Variants in UNC5C observed in about 807,000 individuals in gnomAD.
UNC5C encodes the protein unc-5 netrin receptor C, also known as netrin receptor UNC5C.
UNC5C carries 47 observed loss-of-function variants against 99.8 expected under a neutral mutation model. That is an observed-to-expected ratio of 0.47 (90% confidence interval 0.37 to 0.60). The LOEUF is 0.60. Among genes scored for constraint, UNC5C ranks in the 20% least tolerant of loss-of-function variants. The pLI is 0.00. For synonymous variants in UNC5C, 487 were observed against 452.2 expected (o/e 1.08, Z -0.98); for missense variants, 1,062 against 1,165.9 (o/e 0.91, Z 1.30).
chr4:95,454,897 T>A (rs1368257923), intron 1 of UNC5C, among the ~76,000 whole-genome samples: 1 of 152,098 alleles, frequency 6.6e-6, no homozygotes, highest in African/African-American at 2.4e-5. Flanking sequence ...TAAATTTAAA[T>A]TTAAAAATTA....
intron 3 of UNC5C, among the ~76,000 whole-genome samples, chr4:95,298,163 G>T (rs1741731174): frequency 6.6e-6 from 1 of 152,058 alleles, no homozygotes; most frequent in Non-Finnish European, 1.5e-5. Flanking sequence ...ATGCAAAAAA[G>T]TAGCTGGTCA....
intron 1 of UNC5C, among the ~76,000 whole-genome samples, chr4:95,497,863 C>A (rs1721671514): frequency 6.6e-6 from 1 of 151,860 alleles, no homozygotes; most frequent in African/African-American, 2.4e-5. Context: ...CCAAAATTGT[C>A]ATTTATTCCT....
At chr4:95,190,531 G>C (rs185211521) in intron 12 of UNC5C, among the ~76,000 whole-genome samples, 17 of 151,926 alleles carry the variant, frequency 1.1e-4, no homozygotes, top group African/African-American at 3.9e-4. Context: ...TTGCCTTGTT[G>C]CTCCTTGAAC....
At chr4:95,337,151 C>T (rs1037442684) in intron 1 of UNC5C, among the ~76,000 whole-genome samples, 5 of 151,778 alleles carry the variant, frequency 3.3e-5, no homozygotes, top group Non-Finnish European at 5.9e-5. Flanking sequence ...TAAAGCTCCG[C>T]AAAACATGAC....
At chr4:95,289,032 A>G (rs994139702) in intron 3 of UNC5C, among the ~76,000 whole-genome samples, 3 of 152,272 alleles carry the variant, frequency 2.0e-5, no homozygotes, top group African/African-American at 7.2e-5. Flanking sequence ...CTAGTTCTGT[A>G]CTTACTGAGG....
intron 1 of UNC5C, among the ~76,000 whole-genome samples, chr4:95,532,671 AG>A (rs1468390317): frequency 6.6e-6 from 1 of 152,188 alleles, no homozygotes; most frequent in Non-Finnish European, 1.5e-5. Flanking sequence ...ACTTGTTCAT[AG>A]CAAATGAAAG....
chr4:95,265,577 AC>A (rs1054436242), intron 4 of UNC5C, among the ~76,000 whole-genome samples: 1 of 152,192 alleles, frequency 6.6e-6, no homozygotes, highest in Admixed American at 6.5e-5. Context: ...TGGATGTGAC[AC>A]TTTTTAAATG....
chr4:95,357,537 C>T (rs11727932), intron 1 of UNC5C, among the ~76,000 whole-genome samples: 6 of 151,896 alleles, frequency 4.0e-5, no homozygotes, highest in African/African-American at 1.5e-4. Flanking sequence ...AATCCCAGCA[C>T]TTTGGGAGGC....
chr4:95,170,133 T>C, intron 15 of UNC5C, 21 bp downstream of exon 15: 1 of 1,607,724 alleles, frequency 6.2e-7, no homozygotes, highest in East Asian at 2.2e-5. Flanking sequence ...GAAGCTAGTC[T>C]TGGGGCCAGA....
At chr4:95,192,813 T>C (rs183689899) in intron 12 of UNC5C, among the ~76,000 whole-genome samples, 191 of 152,284 alleles carry the variant, frequency 1.3e-3, no homozygotes, top group Non-Finnish European at 2.2e-3. Context: ...TGCACCACCT[T>C]CTTCCTCAAG....
chr4:95,210,451 T>G (rs909604017), intron 10 of UNC5C, among the ~76,000 whole-genome samples: 3 of 152,200 alleles, frequency 2.0e-5, no homozygotes, highest in Non-Finnish European at 4.4e-5. Flanking sequence ...TGTAACACAT[T>G]TCCTTTATAC....
At chr4:95,178,704 A>C (rs908487285) in intron 14 of UNC5C, among the ~76,000 whole-genome samples, 13 of 152,122 alleles carry the variant, frequency 8.5e-5, no homozygotes, top group Middle Eastern at 3.2e-3. Context: ...GGCCAGTTGA[A>C]GATAGATAGG....
At chr4:95,181,521 G>T (rs1056757868) in intron 14 of UNC5C, among the ~76,000 whole-genome samples, 22 of 152,194 alleles carry the variant, frequency 1.4e-4, no homozygotes, top group African/African-American at 5.3e-4. Context: ...ACTGGAGCTG[G>T]GTGGTTATTG....
At chr4:95,467,661 G>A (rs945400965) in intron 1 of UNC5C, among the ~76,000 whole-genome samples, 2 of 151,984 alleles carry the variant, frequency 1.3e-5, no homozygotes, top group African/African-American at 2.4e-5. Flanking sequence ...TCTTAGGAAG[G>A]GTCAATACAG....
intron 1 of UNC5C, among the ~76,000 whole-genome samples, chr4:95,337,149 C>T (rs533444425): frequency 7.2e-5 from 11 of 151,878 alleles, no homozygotes; most frequent in African/African-American, 2.7e-4. Flanking sequence ...AATAAAGCTC[C>T]GCAAAACATG....
chr4:95,351,264 C>A (rs532449284), intron 1 of UNC5C, among the ~76,000 whole-genome samples: 1 of 151,802 alleles, frequency 6.6e-6, no homozygotes, highest in East Asian at 1.9e-4. Context: ...CAGTGCCTAT[C>A]TTACTCACTG....
chr4:95,426,302 AAATC>A (rs1471874864), intron 1 of UNC5C, among the ~76,000 whole-genome samples: 3 of 152,208 alleles, frequency 2.0e-5, no homozygotes, highest in Non-Finnish European at 4.4e-5. Context: ...TAAGACAGTA[AAATC>A]AATCAACCAA....
chr4:95,392,685 C>T (rs1241575055), intron 1 of UNC5C, among the ~76,000 whole-genome samples: 1 of 151,998 alleles, frequency 6.6e-6, no homozygotes, highest in African/African-American at 2.4e-5. Context: ...AAGTGATCCT[C>T]CCTCCTCGGC....
intron 12 of UNC5C, among the ~76,000 whole-genome samples, chr4:95,191,082 C>A (rs1470500647): frequency 6.6e-6 from 1 of 152,162 alleles, no homozygotes; most frequent in Non-Finnish European, 1.5e-5. Flanking sequence ...TGCTCCCAGG[C>A]TCTTAGATGA....
Sources: allele counts gnomAD v4.1 joint callset (sites outside exome capture counted in the v4.1 genomes callset), GRCh38; gene constraint gnomAD v4.1.1; transcripts MANE v1.5; gene names NCBI Gene and HGNC (gene_info 2026-07-23, HGNC 2026-07-21).